Variants in PTGER4 observed in about 807,000 individuals in gnomAD.
PTGER4 encodes prostaglandin E receptor 4.
A neutral mutation model predicts 33.2 loss-of-function variants in PTGER4; 11 were observed. That is an observed-to-expected ratio of 0.33 (90% CI 0.21 to 0.55). The LOEUF (loss-of-function observed/expected upper bound fraction) is 0.55, where lower values mean the gene tolerates loss of function less well. Among genes scored for constraint, PTGER4 ranks in the 20% least tolerant of loss-of-function variants. PTGER4 has a pLI of 0.92. For synonymous variants in PTGER4, 275 were observed against 281.5 expected, an observed-to-expected ratio of 0.98 and a Z score of 0.23; for missense variants, 481 against 650.2, an observed-to-expected ratio of 0.74 and a Z score of 2.83.
the PTGER4 span, among the ~76,000 whole-genome samples, chr5:40,738,604 T>TAAAAA: frequency 1.4e-5 from 2 of 141,408 alleles, no homozygotes; most frequent in Admixed American, 6.9e-5. Flanking sequence ...TAAAATAAAA[T>TAAAAA]AAAAAAGTGA....
At chr5:40,722,315 GC>G in the PTGER4 span, among the ~76,000 whole-genome samples, 1 of 152,162 alleles carries the variant, frequency 6.6e-6, no homozygotes, top group African/African-American at 2.4e-5. Flanking sequence ...TGCATCCTCT[GC>G]CCGGCCGCCA....
the PTGER4 span, chr5:40,728,484 C>CA: frequency 1.8e-5 from 28 of 1,577,376 alleles, no homozygotes; most frequent in East Asian, 2.2e-5. Context: ...CACCTATAGG[C>CA]AAAAAAAGAC....
In PTGER4 at chr5:40,693,611, T is replaced by G. The variant is rs555685030; in HGVS notation, c.*1233T>G. ...TCAAAGAAATATTAAGCATGTTTTG[T>G]TGCTCAGTGTTTTTGTGAATTGCTT... is the stretch of plus-strand genomic sequence containing the variant. On this transcript the variant is annotated 3_prime_UTR_variant, in exon 3 of 3. Coordinates refer to ENST00000302472, the MANE Select transcript of PTGER4 (RefSeq NM_000958.3). 171 of 985,858 alleles carry G rather than the reference T, an allele frequency of 1.7e-4. No individual in the cohort carries two copies. Among genetic ancestry groups the G allele is most frequent in the Middle Eastern group, 1.0e-3 (2 of 1,936 alleles). 61.1% of individuals were successfully genotyped at this position (985,858 alleles called of 1,614,324 possible).
At chr5:40,739,229 G>C in the PTGER4 span, among the ~76,000 whole-genome samples, 1 of 152,182 alleles carries the variant, frequency 6.6e-6, no homozygotes, top group Non-Finnish European at 1.5e-5. Context: ...CTTTTGGCTA[G>C]TCTAGATTCT....
chr5:40,717,565 C>T, the PTGER4 span, among the ~76,000 whole-genome samples: 1 of 152,188 alleles, frequency 6.6e-6, no homozygotes, highest in Admixed American at 6.5e-5. Flanking sequence ...TCAGCAACAT[C>T]CCTGACCTAC....
At chr5:40,720,328 T>G in the PTGER4 span, among the ~76,000 whole-genome samples, 1 of 152,198 alleles carries the variant, frequency 6.6e-6, no homozygotes, top group East Asian at 1.9e-4. Flanking sequence ...TAAATTGTCT[T>G]GACACCCTTG....
chr5:40,716,094 C>T, the PTGER4 span: 1 of 1,447,862 alleles, frequency 6.9e-7, no homozygotes, highest in Admixed American at 2.3e-5. Flanking sequence ...TATGTCAAAA[C>T]TTCAAGAGGC....
chr5:40,693,035 A>G lies in PTGER4; in HGVS notation c.*657A>G, dbSNP rs1000917892. On this transcript the variant is annotated 3_prime_UTR_variant, in exon 3 of 3. Transcript: ENST00000302472. ...TAAAATAGATATAAATTTTTAAGAG[A>G]AAGAATTTAGTATTATCAAAGGGAT... 1 of 904,180 alleles carries G rather than the reference A, an allele frequency of 1.1e-6. No individual in the cohort carries two copies. 56.0% of individuals were successfully genotyped at this position (904,180 alleles called of 1,614,324 possible). A position where few individuals can be genotyped will look rare whatever the true frequency, so the allele number is the denominator to read the frequency against.
downstream of PTGER4, chr5:40,696,723 TTAA>T (rs1741589385): frequency 1.0e-6 from 1 of 980,228 alleles, no homozygotes; most frequent in African/African-American, 1.8e-5. Context: ...CTAAGAACGT[TTAA>T]CCACAGCAAC....
the PTGER4 span, among the ~76,000 whole-genome samples, chr5:40,699,629 A>ATAGAT: frequency 6.6e-6 from 1 of 152,284 alleles, no homozygotes; most frequent in Admixed American, 6.5e-5. Flanking sequence ...GAATCAAGCA[A>ATAGAT]TATCTAAAAT....
the PTGER4 span, among the ~76,000 whole-genome samples, chr5:40,726,575 C>A: frequency 6.7e-6 from 1 of 148,858 alleles, no homozygotes. Context: ...TTCAATTCTT[C>A]TAAGAATTTC....
the PTGER4 span, chr5:40,728,272 A>C: frequency 4.0e-5 from 40 of 999,440 alleles, no homozygotes; most frequent in African/African-American, 1.5e-4. Context: ...TGACATCAAG[A>C]CTCCATCTCA....
chr5:40,725,278 T>A, the PTGER4 span, among the ~76,000 whole-genome samples: 1 of 151,858 alleles, frequency 6.6e-6, no homozygotes, highest in Non-Finnish European at 1.5e-5. Context: ...TGAGCCAGGA[T>A]GCCCAGCCCC....
chr5:40,739,017 T>C, the PTGER4 span, among the ~76,000 whole-genome samples: 3 of 152,200 alleles, frequency 2.0e-5, no homozygotes, highest in African/African-American at 7.2e-5. Context: ...TGTTCTCAAT[T>C]AAGCCTTTTA....
At chr5:40,694,810 C>A (rs1217716786), downstream of PTGER4, among the ~76,000 whole-genome samples, 1 of 152,166 alleles carries the variant, frequency 6.6e-6, no homozygotes, top group Non-Finnish European at 1.5e-5. Context: ...AAAATAGCAA[C>A]CAAGAAAAAT....
intron 2 of PTGER4, among the ~76,000 whole-genome samples, chr5:40,685,746 A>T (rs1489815710): frequency 2.6e-5 from 4 of 152,218 alleles, no homozygotes; most frequent in African/African-American, 9.6e-5. Context: ...CAAGCTGCAA[A>T]TGAAGAATTT....
At chr5:40,687,341 G>A (rs1302342000) in intron 2 of PTGER4, among the ~76,000 whole-genome samples, 9 of 152,100 alleles carry the variant, frequency 5.9e-5, no homozygotes, top group African/African-American at 1.2e-4. Flanking sequence ...CACCATGCCC[G>A]GCCATATTCC....
chr5:40,718,364 C>A, the PTGER4 span, among the ~76,000 whole-genome samples: 16 of 151,950 alleles, frequency 1.1e-4, no homozygotes, highest in Non-Finnish European at 5.9e-5. Flanking sequence ...CAAGATGGTG[C>A]CACTGCACTC....
the PTGER4 span, among the ~76,000 whole-genome samples, chr5:40,737,513 T>C: frequency 6.6e-6 from 1 of 152,162 alleles, no homozygotes; most frequent in East Asian, 1.9e-4. Context: ...CATATAAAGA[T>C]ATATGAAACG....
Sources: gnomAD v4.1 joint callset for allele counts (sites outside exome capture counted in the v4.1 genomes callset) on GRCh38, gnomAD v4.1.1 for gene constraint, MANE v1.5 for transcripts, NCBI Gene and HGNC (gene_info 2026-07-23, HGNC 2026-07-21) for gene names.